Variants in KALRN observed in about 807,000 individuals in gnomAD.
KALRN encodes kalirin.
In KALRN, 70 loss-of-function variants were observed where a neutral mutation model predicts 353.7. That is an observed-to-expected ratio of 0.20 (90% CI 0.16 to 0.24). The LOEUF (loss-of-function observed/expected upper bound fraction) is 0.24. KALRN is among the 10% of genes least tolerant of loss of function. KALRN has a pLI of 1.00. For synonymous variants in KALRN, 1,391 were observed against 1,434.8 expected (o/e 0.97, Z 0.69); for missense variants, 2,791 against 3,756.7 (o/e 0.74, Z 6.72).
intron 1 of KALRN, among the ~76,000 whole-genome samples, chr3:124,222,904 C>T (rs565094761): frequency 2.6e-5 from 4 of 152,212 alleles, no homozygotes; most frequent in African/African-American, 9.6e-5. Context: ...CATGCCTGGC[C>T]TCACCTGGGG....
At chr3:124,229,209 T>C (rs547887685) in intron 2 of KALRN, among the ~76,000 whole-genome samples, 1 of 152,350 alleles carries the variant, frequency 6.6e-6, no homozygotes, top group Non-Finnish European at 1.5e-5. Flanking sequence ...CTGAAATATT[T>C]ACTCTCTGAC....
intron 45 of KALRN, among the ~76,000 whole-genome samples, chr3:124,662,193 CTTTTTTTTTT>C (rs10549005): frequency 7.1e-4 from 69 of 96,858 alleles, no homozygotes; most frequent in Non-Finnish European, 1.6e-4. Context: ...ACCCAGAATT[CTTTTTTTTTT>C]TTTTTTTTTT....
At chr3:124,603,798 A>G (rs2077046334) in intron 34 of KALRN, among the ~76,000 whole-genome samples, 1 of 152,188 alleles carries the variant, frequency 6.6e-6, no homozygotes, top group South Asian at 2.1e-4. Flanking sequence ...TTGACTTTGA[A>G]CTTGATGGGG....
chr3:124,581,012 G>A (rs2074580203), intron 34 of KALRN, among the ~76,000 whole-genome samples: 1 of 151,836 alleles, frequency 6.6e-6, no homozygotes, highest in South Asian at 2.1e-4. Context: ...TATAGACATT[G>A]GCTAGTCTCA....
intron 41 of KALRN, among the ~76,000 whole-genome samples, 184 bp from the exon 42 acceptor site, chr3:124,658,247 C>A (rs113959528): frequency 0.012 from 1,829 of 152,216 alleles, 40 homozygotes; most frequent in African/African-American, 0.042. Flanking sequence ...GTTTTTTTGA[C>A]CACCTTGGCG....
chr3:124,102,961 A>C (rs895766485), intron 1 of KALRN, among the ~76,000 whole-genome samples: 7 of 152,200 alleles, frequency 4.6e-5, no homozygotes, highest in African/African-American at 1.7e-4. Flanking sequence ...CACAGATAGG[A>C]AACAGGCTCG....
At chr3:124,097,583 G>C (rs1221684006) in intron 1 of KALRN, among the ~76,000 whole-genome samples, 1 of 152,198 alleles carries the variant, frequency 6.6e-6, no homozygotes, top group Non-Finnish European at 1.5e-5. Flanking sequence ...TGGAGGATAA[G>C]TGAATCTGTG....
intron 1 of KALRN, chr3:124,152,160 A>T (rs548783191): frequency 6.9e-7 from 1 of 1,453,436 alleles, no homozygotes; most frequent in Admixed American, 1.7e-5. Flanking sequence ...ATGATGCAAG[A>T]GATCGAACAA....
chr3:124,624,829 G>T (rs1561454418), intron 34 of KALRN, among the ~76,000 whole-genome samples: 3 of 152,208 alleles, frequency 2.0e-5, no homozygotes, highest in Non-Finnish European at 4.4e-5. Context: ...GCAGGCATTG[G>T]TCTTAGGAGT....
In KALRN at chr3:124,616,046, C is replaced by T. The variant is rs147363833; in HGVS notation, c.5183-16374C>T. 4.3e-3 allele frequency among the ~76,000 whole-genome samples: 659 copies of T among 152,264 alleles called. 3 individuals carry two copies. Among genetic ancestry groups the T allele is most frequent in the African/African-American group, 0.015 (627 of 41,554 alleles). ...TTCACACTTTCTTTCCTGTTCCACC[C>T]AAAAATACAGTTTACCAAAAAAGGA... is the stretch of plus-strand genomic sequence containing the variant. On this transcript the variant is annotated intron_variant, in intron 34 of 59. Coordinates refer to ENST00000682506, the MANE Select transcript of KALRN (RefSeq NM_001388419.1).
At chr3:124,211,239 G>T (rs1326643932) in intron 1 of KALRN, among the ~76,000 whole-genome samples, 1 of 152,214 alleles carries the variant, frequency 6.6e-6, no homozygotes, top group South Asian at 2.1e-4. Flanking sequence ...AGCCTTATGA[G>T]ATGTTACTTA....
At chr3:124,057,778 C>T (rs752174779) in intron 1 of KALRN, among the ~76,000 whole-genome samples, 16 of 152,134 alleles carry the variant, frequency 1.1e-4, no homozygotes, top group East Asian at 3.9e-4. Context: ...CTCAAGGACC[C>T]GCTGTCCTTT....
At chr3:124,120,911 G>A (rs57145573) in intron 1 of KALRN, among the ~76,000 whole-genome samples, 3,018 of 150,414 alleles carry the variant, frequency 0.02, 92 homozygotes, top group African/African-American at 0.07. Context: ...GGCCAACATG[G>A]TGAAACCCCA....
intron 1 of KALRN, among the ~76,000 whole-genome samples, chr3:124,122,193 A>G (rs1414517075): frequency 1.3e-5 from 2 of 152,202 alleles, no homozygotes; most frequent in African/African-American, 2.4e-5. Context: ...CTTTCTGGGC[A>G]GTGGAGCTGG....
At chr3:124,400,882 C>A (rs1027857095) in intron 13 of KALRN, among the ~76,000 whole-genome samples, 11 of 152,096 alleles carry the variant, frequency 7.2e-5, no homozygotes, top group Non-Finnish European at 1.5e-4. Context: ...CATTCCAGGT[C>A]TGCTTCAAAA....
At chr3:124,196,932 T>C (rs2075495304) in intron 1 of KALRN, among the ~76,000 whole-genome samples, 1 of 152,132 alleles carries the variant, frequency 6.6e-6, no homozygotes, top group Admixed American at 6.5e-5. Flanking sequence ...GATGAGGAAA[T>C]GGAGGCTTAA....
intron 33 of KALRN, among the ~76,000 whole-genome samples, chr3:124,557,777 T>C (rs569651436): frequency 9.8e-5 from 15 of 152,296 alleles, no homozygotes; most frequent in African/African-American, 3.4e-4. Context: ...ATGGGCGCTC[T>C]TGGGCACAGC....
At chr3:124,351,771 A>G (rs963841399) in intron 10 of KALRN, among the ~76,000 whole-genome samples, 14 of 152,362 alleles carry the variant, frequency 9.2e-5, no homozygotes, top group Non-Finnish European at 1.8e-4. Flanking sequence ...ATCCTTCATT[A>G]AACTTTAACT....
intron 6 of KALRN, among the ~76,000 whole-genome samples, chr3:124,320,261 G>A (rs1157117185): frequency 6.6e-6 from 1 of 152,100 alleles, no homozygotes; most frequent in African/African-American, 2.4e-5. Context: ...GCCCCTTTAG[G>A]GAAAGTGTCC....
Sources: allele counts gnomAD v4.1 joint callset (sites outside exome capture counted in the v4.1 genomes callset), GRCh38; gene constraint gnomAD v4.1.1; transcripts MANE v1.5; gene names NCBI Gene and HGNC (gene_info 2026-07-23, HGNC 2026-07-21).